Variants in CEP72 observed in about 807,000 individuals in gnomAD.
The protein encoded by CEP72 is centrosomal protein 72, also known as centrosomal protein of 72 kDa.
Under a neutral mutation model 65.7 loss-of-function variants are expected in CEP72, and 78 were observed. The observed-to-expected ratio is 1.19, with a 90% CI of 0.99 to 1.43. The LOEUF is 1.43. Among genes scored for constraint, CEP72 ranks in the 40% most tolerant of loss-of-function variants. The pLI is 0.00. For missense variants in CEP72, 914 were observed against 832.9 expected, an observed-to-expected ratio of 1.10 and a Z score of -1.20; for synonymous variants, 358 against 351.7, an observed-to-expected ratio of 1.02 and a Z score of -0.20.
chr5:648,190 CCACGAGG>C (rs1738551044), intron 11 of CEP72, among the ~76,000 whole-genome samples: 17 of 152,050 alleles, frequency 1.1e-4, no homozygotes, highest in African/African-American at 3.6e-4. Context: ...TGAGGTGTGA[CCACGAGG>C]CATGGACTGT....
In CEP72 at chr5:624,541, C is replaced by T. The variant is rs1736616963; in HGVS notation, c.474C>T (p.Asp158=). 9 of 1,613,972 alleles carry T rather than the reference C, an allele frequency of 5.6e-6. No individual in the cohort carries two copies. The highest frequency in any genetic ancestry group is 7.6e-6 in the Non-Finnish European group (9 of 1,179,814). ...RLHFASEDSL[D]SKESVPASLK... Reference sequence around the variant, plus strand: ...ATTTTGCATCAGAGGACTCACTCGACTCCAAAGAGAGCGTCCCAGCTTCTT... The same window carrying T: ...ATTTTGCATCAGAGGACTCACTCGATTCCAAAGAGAGCGTCCCAGCTTCTT... Residue 158 remains aspartate (D), a synonymous_variant, in exon 4 of 12, where the codon GAC becomes GAT. Coordinates refer to ENST00000264935, the MANE Select transcript of CEP72 (RefSeq NM_018140.4). The surrounding 1 kb of genome is among the most constrained non-coding windows in gnomAD (Gnocchi z 4.7).
chr5:662,420 C>G (rs924649165), intron 1 of CEP72: 1 of 152,466 alleles, frequency 6.6e-6, no homozygotes, highest in Non-Finnish European at 1.5e-5. Context: ...TGCCCAGCAC[C>G]TCTCCTCAGT....
chr5:622,635 A>G (rs1365126240), intron 3 of CEP72, among the ~76,000 whole-genome samples: 1 of 152,242 alleles, frequency 6.6e-6, no homozygotes, highest in Middle Eastern at 3.2e-3. Flanking sequence ...AGCTCTTGGC[A>G]GCGAGGAGCG....
chr5:666,158 G>A (rs1268732599), intron 4 of CEP72: 3 of 1,542,210 alleles, frequency 1.9e-6, no homozygotes, highest in Admixed American at 1.9e-5. Context: ...GCTGGGCGCG[G>A]GCCGGCCCAG....
the CEP72 span, among the ~76,000 whole-genome samples, chr5:675,332 AGTG>A: frequency 2.7e-5 from 1 of 36,626 alleles, no homozygotes; most frequent in African/African-American, 1.2e-4. Context: ...CCGGGGGTGC[AGTG>A]TGGCTGGGGG....
chr5:636,442 C>T (rs13164124), intron 6 of CEP72, among the ~76,000 whole-genome samples: 133 of 152,276 alleles, frequency 8.7e-4, no homozygotes, highest in Non-Finnish European at 1.6e-3. Flanking sequence ...AAATCAAAGG[C>T]GAGAAAAGTT....
the CEP72 span, chr5:675,996 TG>T: frequency 6.6e-6 from 1 of 152,012 alleles, no homozygotes; most frequent in African/African-American, 2.4e-5. Context: ...GGGCCCTGGA[TG>T]GAGCCTCCCC....
At chr5:647,081 T>A (rs945858520) in intron 10 of CEP72, among the ~76,000 whole-genome samples, 3 of 152,228 alleles carry the variant, frequency 2.0e-5, no homozygotes, top group Non-Finnish European at 2.9e-5. Flanking sequence ...CGGCGTGGCC[T>A]TCACACTGTG....
At chr5:625,106 T>A (rs1255457120) in intron 4 of CEP72, among the ~76,000 whole-genome samples, 1 of 152,220 alleles carries the variant, frequency 6.6e-6, no homozygotes, top group Non-Finnish European at 1.5e-5. Context: ...GGCGTGTGTG[T>A]GAGCCGGGCC....
chr5:616,528 C>T (rs1735999299), intron 1 of CEP72, among the ~76,000 whole-genome samples: 1 of 152,030 alleles, frequency 6.6e-6, no homozygotes, highest in Non-Finnish European at 1.5e-5. Flanking sequence ...CATTTTTTAT[C>T]ATATTGTGGA....
At position 642,407 on chromosome 5, in the gene CEP72, A is replaced by T. The variant is rs866173042; in HGVS notation, c.1539+1803A>T. The T allele has an allele frequency of 1.9e-4, 187 of 985,354 alleles. No homozygotes were observed. The Middle Eastern group carries it at 4.6e-3, about 24-fold the overall frequency. 61.0% of individuals were successfully genotyped at this position (985,354 alleles called of 1,614,324 possible). ...TGTGGCCCCCCGTCTGGAAGCCTTT[A>T]TACTGAAACACACGTGACCGGCTGT... is the stretch of plus-strand genomic sequence containing the variant. On this transcript the variant is annotated intron_variant, in intron 9 of 11. Transcript: ENST00000264935.
intron 3 of CEP72, 132 bp downstream of exon 3, chr5:620,393 G>A (rs929376415): frequency 2.5e-5 from 19 of 771,712 alleles, no homozygotes; most frequent in South Asian, 1.4e-4. Flanking sequence ...GGTTTTCTAC[G>A]CTGGTGGCTT....
chr5:623,431 G>A lies in CEP72; in HGVS notation c.404-1040G>A, dbSNP rs902976216. On this transcript the variant is annotated intron_variant, in intron 3 of 11. Transcript: ENST00000264935. This position sits in a 1 kb window ranked among gnomAD's most constrained non-coding sequence, Gnocchi z 5.3. ...GATAGCAAGGGCCTGCGTGTGGGAT[G>A]GAGGCGGCGTCTGGAGAGACCTTGC... 2.0e-5 allele frequency among the ~76,000 whole-genome samples: 3 copies of A among 152,244 alleles called. No individual in the cohort carries two copies. Among genetic ancestry groups the A allele is most frequent in the Admixed American group, 1.3e-4 (2 of 15,288 alleles).
At chr5:671,431 CT>C (rs1436484698), downstream of CEP72, among the ~76,000 whole-genome samples, 6 of 152,172 alleles carry the variant, frequency 3.9e-5, no homozygotes, top group African/African-American at 1.4e-4. Context: ...CTGGGCAGGG[CT>C]TTGGTCTGTG....
rs1438863556 is a variant in CEP72, at chr5:637,764, T to C, written c.1152T>C (p.Pro384=). 6.2e-7 allele frequency: 1 copy of C among 1,608,864 alleles called. No homozygotes were observed. Among genetic ancestry groups the C allele is most frequent in the African/African-American group, 1.3e-5 (1 of 74,806 alleles). The stretch of plus-strand genomic sequence containing the variant: ...GGAACGGGAGGACCTTGTCTCAGCC[T>C]GAGGCCTCGGAGACTGAGGAGCAGA... ...ESRNGRTLSQ[P]EASETEEQRS... The change falls in exon 7 of 12, where the codon CCT becomes CCC. Residue 384 remains proline, a synonymous_variant. Transcript: ENST00000264935.
At chr5:667,857 G>A (rs71585294), downstream of CEP72, among the ~76,000 whole-genome samples, 12,598 of 81,000 alleles carry the variant, frequency 0.16, 1,067 homozygotes, top group East Asian at 0.3. Flanking sequence ...CGTGGGCGCC[G>A]TCAGGGAAGT....
At chr5:674,989 C>G in the CEP72 span, among the ~76,000 whole-genome samples, 10 of 137,934 alleles carry the variant, frequency 7.2e-5, no homozygotes, top group Admixed American at 3.9e-4. Flanking sequence ...GGATCTGTGG[C>G]CGGGGGAGCA....
chr5:665,165 T>G (rs1697963), intron 2 of CEP72: 1 of 1,613,146 alleles, frequency 6.2e-7, no homozygotes. Context: ...ACACATAGCC[T>G]GACTCGTCCA....
At chr5:638,508 G>A (rs1737774006) in intron 7 of CEP72, among the ~76,000 whole-genome samples, 1 of 152,034 alleles carries the variant, frequency 6.6e-6, no homozygotes, top group African/African-American at 2.4e-5. Context: ...GCGGAACTGT[G>A]GGACAGGAAG....
Sources: allele counts gnomAD v4.1 joint callset (sites outside exome capture counted in the v4.1 genomes callset), GRCh38; gene constraint gnomAD v4.1.1; non-coding constraint Gnocchi (gnomAD v3.1); transcripts MANE v1.5; gene names NCBI Gene and HGNC (gene_info 2026-07-23, HGNC 2026-07-21).